VTI1A: variants seen among roughly 807,000 people sequenced by gnomAD.
The protein encoded by VTI1A is vesicle transport through interaction with t-SNAREs 1A.
VTI1A carries 22 observed loss-of-function variants against 34.9 expected under a neutral mutation model. The ratio of observed to expected loss-of-function variants is 0.63; its 90% CI spans 0.45 to 0.90. The LOEUF is 0.90. VTI1A is among the 40% of genes least tolerant of loss of function. The pLI is 0.00. For synonymous variants in VTI1A, 87 were observed against 97.3 expected (o/e 0.89, Z 0.62); for missense variants, 268 against 275.6 (o/e 0.97, Z 0.20).
chr10:112,829,746 T>C, the VTI1A span, among the ~76,000 whole-genome samples: 1 of 152,026 alleles, frequency 6.6e-6, no homozygotes, highest in Non-Finnish European at 1.5e-5. Context: ...AGAGAAAGAC[T>C]CCATTTCAAA....
intron 5 of VTI1A, among the ~76,000 whole-genome samples, chr10:112,636,094 G>A (rs1230598245): frequency 6.6e-6 from 1 of 152,208 alleles, no homozygotes; most frequent in Non-Finnish European, 1.5e-5. Context: ...ACCTGCAAGG[G>A]AGAGAGATCC....
chr10:112,541,987 C>A (rs990857168), intron 5 of VTI1A, among the ~76,000 whole-genome samples: 1 of 152,006 alleles, frequency 6.6e-6, no homozygotes, highest in Admixed American at 6.5e-5. Context: ...GAATAAAAAG[C>A]AGCTCTTTTT....
chr10:112,494,028 GTTGT>G (rs751886462), intron 3 of VTI1A, among the ~76,000 whole-genome samples: 1 of 152,276 alleles, frequency 6.6e-6, no homozygotes, highest in East Asian at 1.9e-4. Flanking sequence ...TTTGTGTAGG[GTTGT>G]TTATTTCTTC....
chr10:112,572,071 A>AC (rs1426706431), intron 5 of VTI1A, among the ~76,000 whole-genome samples: 1 of 152,198 alleles, frequency 6.6e-6, no homozygotes, highest in African/African-American at 2.4e-5. Context: ...TGCACCTCAA[A>AC]CCTTGGCATC....
chr10:112,832,355 C>A, the VTI1A span: 1 of 152,176 alleles, frequency 6.6e-6, no homozygotes. Flanking sequence ...TTAGTGGGCT[C>A]TTAGTTAGGC....
intron 5 of VTI1A, chr10:112,548,539 A>G: frequency 1.5e-6 from 1 of 659,062 alleles, no homozygotes; most frequent in Non-Finnish European, 2.6e-6. Context: ...TGGCCAATTG[A>G]AACAAACAGT....
chr10:112,599,016 C>T (rs1844779330), intron 5 of VTI1A, among the ~76,000 whole-genome samples: 1 of 152,214 alleles, frequency 6.6e-6, no homozygotes, highest in South Asian at 2.1e-4. Flanking sequence ...AGTCAATCCT[C>T]CGTTCACCAT....
intron 3 of VTI1A, among the ~76,000 whole-genome samples, chr10:112,494,001 GT>G (rs1564799696): frequency 1.3e-5 from 2 of 152,092 alleles, no homozygotes; most frequent in Admixed American, 6.5e-5. Context: ...TTCTTCCTCT[GT>G]TTTCTAAATG....
intron 5 of VTI1A, among the ~76,000 whole-genome samples, chr10:112,632,257 AG>A (rs775754055): frequency 6.6e-6 from 1 of 152,226 alleles, no homozygotes; most frequent in African/African-American, 2.4e-5. Context: ...TCATTTGTGA[AG>A]GTGCACACCC....
chr10:112,454,543 A>G (rs1454938932), intron 1 of VTI1A, among the ~76,000 whole-genome samples: 2 of 152,202 alleles, frequency 1.3e-5, no homozygotes, highest in African/African-American at 4.8e-5. Flanking sequence ...TTGAGGTTAC[A>G]GTGAGCTATG....
chr10:112,649,161 A>G (rs990844386), intron 5 of VTI1A, among the ~76,000 whole-genome samples: 6 of 152,174 alleles, frequency 3.9e-5, no homozygotes, highest in African/African-American at 9.7e-5. Context: ...TGAATTATAC[A>G]GCATTCACAG....
intron 3 of VTI1A, among the ~76,000 whole-genome samples, chr10:112,511,598 C>T (rs114814692): frequency 2.8e-4 from 43 of 152,170 alleles, no homozygotes; most frequent in African/African-American, 9.4e-4. Context: ...AGGTTATTTA[C>T]GGTGCTACCA....
chr10:112,815,597 A>T lies in VTI1A; in HGVS notation c.*214A>T. On this transcript the variant is annotated 3_prime_UTR_variant, in exon 8 of 8. Transcript: ENST00000393077. ...CTTTTCGAGGTTTGTCTTCACCCAG[A>T]TTCGTTTTTTAGAGGGGAAGGTGAA... 1 of 562,372 alleles carries T rather than the reference A, an allele frequency of 1.8e-6. No homozygotes were observed. The highest frequency in any genetic ancestry group is 2.1e-5 in the South Asian group (1 of 47,472). 34.8% of individuals were successfully genotyped at this position (562,372 alleles called of 1,614,324 possible). A position where few individuals can be genotyped will look rare whatever the true frequency, so the allele number is the denominator to read the frequency against.
chr10:112,694,480 C>T (rs1330017608), intron 7 of VTI1A, among the ~76,000 whole-genome samples: 1 of 152,042 alleles, frequency 6.6e-6, no homozygotes, highest in East Asian at 1.9e-4. Context: ...GCTGACTTAC[C>T]TTTCTGCATT....
intron 7 of VTI1A, among the ~76,000 whole-genome samples, chr10:112,699,010 G>A (rs985135323): frequency 2.0e-5 from 3 of 152,156 alleles, no homozygotes; most frequent in African/African-American, 4.8e-5. Flanking sequence ...CAGCAGATGG[G>A]TGTGTCGTGT....
chr10:112,594,388 G>A (rs541833725), intron 5 of VTI1A, among the ~76,000 whole-genome samples: 2 of 152,092 alleles, frequency 1.3e-5, no homozygotes, highest in South Asian at 4.2e-4. Context: ...GTTCACAGAC[G>A]ACATGATTGT....
At chr10:112,521,442 T>C (rs1041970994) in intron 3 of VTI1A, among the ~76,000 whole-genome samples, 1 of 152,066 alleles carries the variant, frequency 6.6e-6, no homozygotes, top group Non-Finnish European at 1.5e-5. Flanking sequence ...TTGCATCCTT[T>C]CCAGTATTAT....
chr10:112,638,289 A>G (rs1846437473), intron 5 of VTI1A, among the ~76,000 whole-genome samples: 1 of 152,216 alleles, frequency 6.6e-6, no homozygotes. Flanking sequence ...AGTTATTTAA[A>G]CATTGAGAGC....
chr10:112,812,191 T>C (rs1853342473), intron 7 of VTI1A, among the ~76,000 whole-genome samples: 1 of 152,258 alleles, frequency 6.6e-6, no homozygotes, highest in South Asian at 2.1e-4. Flanking sequence ...CCTGGCTGTT[T>C]CAATGGATGT....
Sources: allele counts gnomAD v4.1 joint callset (sites outside exome capture counted in the v4.1 genomes callset), GRCh38; gene constraint gnomAD v4.1.1; transcripts MANE v1.5; gene names NCBI Gene and HGNC (gene_info 2026-07-23, HGNC 2026-07-21).